The following RGCC variants were observed in gnomAD, a reference collection of about 807,000 sequenced individuals.
RGCC encodes the protein regulator of cell cycle, also known as regulator of cell cycle RGCC.
Under a neutral mutation model 15.4 loss-of-function variants are expected in RGCC, and 15 were observed. The ratio of observed to expected loss-of-function variants is 0.97; its 90% CI spans 0.65 to 1.50. The LOEUF is 1.50. Among genes scored for constraint, RGCC ranks in the 40% most tolerant of loss-of-function variants. RGCC has a pLI of 0.00. For synonymous variants in RGCC, 81 were observed against 78.0 expected (o/e 1.04, Z -0.20); for missense variants, 176 against 189.7 (o/e 0.93, Z 0.42).
chr13:41,467,725 A>G (rs143671971), intron 3 of RGCC, among the ~76,000 whole-genome samples: 101 of 152,350 alleles, frequency 6.6e-4, no homozygotes, highest in Non-Finnish European at 1.1e-3. Context: ...AGGCATTTGA[A>G]AGTTCCCTTC....
intron 2 of RGCC, among the ~76,000 whole-genome samples, chr13:41,460,170 T>C (rs2043814407): frequency 6.6e-6 from 1 of 152,200 alleles, no homozygotes; most frequent in African/African-American, 2.4e-5. Flanking sequence ...GGGAAGAACA[T>C]AAAGAAAGCT....
intron 2 of RGCC, among the ~76,000 whole-genome samples, chr13:41,466,039 C>A (rs921088070): frequency 6.6e-6 from 1 of 151,824 alleles, no homozygotes; most frequent in Non-Finnish European, 1.5e-5. Flanking sequence ...GAAGCAAGGG[C>A]CTTTGGTATA....
intron 2 of RGCC, among the ~76,000 whole-genome samples, chr13:41,460,480 T>TATG (rs981013659): frequency 9.2e-5 from 14 of 152,154 alleles, no homozygotes; most frequent in East Asian, 3.8e-4. Context: ...AAACGCTTGT[T>TATG]ATGATGATGA....
chr13:41,469,295 T>TAAAGAAG (rs869157194), intron 4 of RGCC, among the ~76,000 whole-genome samples: 1 of 86,726 alleles, frequency 1.2e-5, no homozygotes, highest in African/African-American at 3.7e-5. Flanking sequence ...ATAATAATAA[T>TAAAGAAG]AAGAAGAAGA....
At chr13:41,459,202 C>A (rs1010599843) in intron 2 of RGCC, among the ~76,000 whole-genome samples, 1 of 152,152 alleles carries the variant, frequency 6.6e-6, no homozygotes, top group African/African-American at 2.4e-5. Context: ...AAAGAGACAG[C>A]TTTTTCCAGG....
chr13:41,468,986 G>A (rs2043861495), intron 4 of RGCC, 148 bp downstream of exon 4: 3 of 613,940 alleles, frequency 4.9e-6, no homozygotes, highest in Non-Finnish European at 8.4e-6. Flanking sequence ...CTAGGCCGGG[G>A]CAGTGGCTCA....
chr13:41,459,174 A>G (rs927809707), intron 2 of RGCC, among the ~76,000 whole-genome samples: 3 of 152,192 alleles, frequency 2.0e-5, no homozygotes, highest in Admixed American at 6.5e-5. Context: ...AACAACAGCA[A>G]CAACAACAAA....
In RGCC at chr13:41,457,632, G is replaced by A; in HGVS notation, c.-76G>A. On this transcript the variant is annotated 5_prime_UTR_variant, in exon 1 of 5. Transcript: ENST00000379359. The surrounding 1 kb of genome is among the most constrained non-coding windows in gnomAD (Gnocchi z 4.9). The stretch of plus-strand genomic sequence containing the variant: ...TGGCAGGGCTGAAGTGTGCGGGACA[G>A]CAAGCCCCCGAATAGCCCCGGCTGC... 1.3e-6 allele frequency: 2 copies of A among 1,496,400 alleles called. No individual in the cohort carries two copies. The highest frequency in any genetic ancestry group is 1.3e-5 in the South Asian group (1 of 79,620). 92.7% of individuals were successfully genotyped at this position (1,496,400 alleles called of 1,614,324 possible).
At chr13:41,465,966 C>G (rs2043844834) in intron 2 of RGCC, among the ~76,000 whole-genome samples, 1 of 152,042 alleles carries the variant, frequency 6.6e-6, no homozygotes, top group African/African-American at 2.4e-5. Context: ...TCCTTACCCC[C>G]ACACTCCCAC....
chr13:41,467,979 T>A (rs2043857224), intron 3 of RGCC, among the ~76,000 whole-genome samples: 1 of 152,182 alleles, frequency 6.6e-6, no homozygotes, highest in African/African-American at 2.4e-5. Context: ...AATAAAACTG[T>A]CCAGTACTGC....
At chr13:41,460,163 A>T (rs1464570018) in intron 2 of RGCC, among the ~76,000 whole-genome samples, 1 of 152,212 alleles carries the variant, frequency 6.6e-6, no homozygotes, top group Non-Finnish European at 1.5e-5. Context: ...AAGTGATGGG[A>T]AGAACATAAA....
At position 41,466,844 on chromosome 13, in the gene RGCC, ACAGCTT is replaced by A; in HGVS notation, c.267_272del (p.Phe90_Ser91del). On this transcript the variant is annotated inframe_deletion, in exon 3 of 5. Transcript: ENST00000379359. ...AAAGGTGCAGATTCACTTTATAGGA[ACAGCTT>A]CAGCTTCAGTGATGAAAAACTGAAT... is the stretch of plus-strand genomic sequence containing the variant. The A allele has an allele frequency of 6.2e-7, 1 of 1,613,666 alleles. No homozygotes were observed. Among genetic ancestry groups the A allele is most frequent in the Non-Finnish European group, 8.5e-7 (1 of 1,179,544 alleles).
chr13:41,457,560 C>T lies in RGCC; in HGVS notation c.-148C>T. 3 of 1,324,154 alleles carry T rather than the reference C, an allele frequency of 2.3e-6. No homozygotes were observed. Among genetic ancestry groups the T allele is most frequent in the Non-Finnish European group, 2.9e-6 (3 of 1,026,402 alleles). 82.0% of individuals were successfully genotyped at this position (1,324,154 alleles called of 1,614,324 possible). ...ACCCGAGCCGGTGGTAGGGCGGGCGCGGACCGTGCTGGGAGCGGCGCGGCT... is the reference window on the plus strand; with the variant it reads ...ACCCGAGCCGGTGGTAGGGCGGGCGTGGACCGTGCTGGGAGCGGCGCGGCT... On this transcript the variant is annotated 5_prime_UTR_variant, in exon 1 of 5. Transcript: ENST00000379359. The surrounding 1 kb of genome is among the most constrained non-coding windows in gnomAD (Gnocchi z 4.9).
chr13:41,467,393 T>C (rs1009992460), intron 3 of RGCC, among the ~76,000 whole-genome samples: 1 of 152,282 alleles, frequency 6.6e-6, no homozygotes, highest in Non-Finnish European at 1.5e-5. Flanking sequence ...TTAGATAAGC[T>C]ATGATCTAAC....
At chr13:41,466,786 G>C in intron 2 of RGCC, 37 bp from the exon 3 acceptor site, 1 of 1,351,646 alleles carries the variant, frequency 7.4e-7, no homozygotes, top group Non-Finnish European at 1.1e-6. Flanking sequence ...AATCTCATGA[G>C]TACTATTTCT....
intron 2 of RGCC, among the ~76,000 whole-genome samples, chr13:41,460,190 T>G (rs1445664071): frequency 1.3e-5 from 2 of 152,220 alleles, no homozygotes; most frequent in Non-Finnish European, 2.9e-5. Context: ...TCAGATGACA[T>G]TTGTCTTTGC....
At chr13:41,469,295 T>TAAGAAGAAGAAGAAG (rs370476569) in intron 4 of RGCC, among the ~76,000 whole-genome samples, 130 of 86,734 alleles carry the variant, frequency 1.5e-3, no homozygotes, top group African/African-American at 4.5e-3. Flanking sequence ...ATAATAATAA[T>TAAGAAGAAGAAGAAG]AAGAAGAAGA....
intron 2 of RGCC, among the ~76,000 whole-genome samples, chr13:41,464,962 G>C (rs73181130): frequency 1.9e-3 from 285 of 152,116 alleles, no homozygotes; most frequent in Admixed American, 7.1e-3. Flanking sequence ...AGGAGAGGGT[G>C]GGGGGAAAGG....
chr13:41,458,430 C>A lies in RGCC; in HGVS notation c.195C>A (p.Ser65Arg), dbSNP rs1164267229. The A allele has an allele frequency of 6.2e-7, 1 of 1,601,870 alleles. No individual in the cohort carries two copies. Among genetic ancestry groups the A allele is most frequent in the South Asian group, 1.1e-5 (1 of 90,532 alleles). ...TGGAGCGCATGAAGCGGCGCAGCAG[C>A]GCCAGTGTCAGCGACAGCAGCGGCT... Reference protein sequence around the residue: ...EHLERMKRRSSASVSDSSGFS... With the variant: ...EHLERMKRRSRASVSDSSGFS... Residue 65 changes from serine (S) to arginine (R), a missense_variant, in exon 2 of 5, where the codon AGC becomes AGA. Physicochemically the swap from Ser to Arg is moderately radical, Grantham distance 110. Coordinates refer to ENST00000379359, the MANE Select transcript of RGCC (RefSeq NM_014059.3). This position sits in a 1 kb window ranked among gnomAD's most constrained non-coding sequence, Gnocchi z 4.4.
Sources: gnomAD v4.1 joint callset for allele counts (sites outside exome capture counted in the v4.1 genomes callset) on GRCh38, gnomAD v4.1.1 for gene constraint, Gnocchi (gnomAD v3.1) non-coding constraint, MANE v1.5 for transcripts, NCBI Gene and HGNC (gene_info 2026-07-23, HGNC 2026-07-21) for gene names.